NAV2: variants seen among roughly 807,000 people sequenced by gnomAD.
NAV2 encodes the protein neuron navigator 2.
NAV2 carries 54 observed loss-of-function variants against 223.2 expected under a neutral mutation model. The observed-to-expected ratio is 0.24, with a 90% confidence interval of 0.19 to 0.30. NAV2 has a LOEUF of 0.30. Ranked by LOEUF, NAV2 falls within the 10% of genes least tolerant of loss-of-function variation. The probability of loss-of-function intolerance (pLI) is 1.00; values close to 1 mark genes in which losing one functional copy is unlikely to be tolerated. For synonymous variants in NAV2, 1,279 were observed against 1,239.3 expected, an observed-to-expected ratio of 1.03 and a Z score of -0.67; for missense variants, 2,806 against 3,147.5, an observed-to-expected ratio of 0.89 and a Z score of 2.60.
intron 3 of NAV2, among the ~76,000 whole-genome samples, chr11:19,862,401 T>C (rs374151540): frequency 1.3e-5 from 2 of 152,184 alleles, no homozygotes; most frequent in East Asian, 1.9e-4. Flanking sequence ...AGCTTTCCTG[T>C]TTCAAAGCCA....
chr11:19,888,321 C>G (rs151163610), intron 5 of NAV2, among the ~76,000 whole-genome samples: 1 of 152,248 alleles, frequency 6.6e-6, no homozygotes, highest in South Asian at 2.1e-4. Context: ...CCTCTCACCA[C>G]GCTGCCTCAG....
intron 4 of NAV2, among the ~76,000 whole-genome samples, chr11:19,872,295 C>T (rs537255740): frequency 6.6e-6 from 1 of 152,262 alleles, no homozygotes; most frequent in African/African-American, 2.4e-5. Context: ...GTACCCCCAG[C>T]AACCTTATGG....
chr11:19,373,782 G>A lies in NAV2; in HGVS notation c.75+22755G>A, dbSNP rs138549627. Among the ~76,000 whole-genome samples the A allele has an allele frequency of 5.4e-3, 824 of 152,258 alleles. 8 individuals are homozygous for A. The highest frequency in any genetic ancestry group is 0.019 in the African/African-American group (779 of 41,550). ...GATTGTCGCTATAGCCCTGAACCTA[G>A]AATGTGGCTGCATGTGGCCTGGGGC... On this transcript the variant is annotated intron_variant, in intron 1 of 37. Transcript: ENST00000360655.
intron 1 of NAV2, among the ~76,000 whole-genome samples, chr11:19,566,031 G>GATTTT (rs56221634): frequency 0.052 from 7,142 of 138,480 alleles, 346 homozygotes; most frequent in African/African-American, 0.11. Context: ...TATCCAAGGA[G>GATTTT]ATTTTATTTT....
At chr11:19,923,274 C>T (rs892301695) in intron 6 of NAV2, among the ~76,000 whole-genome samples, 2 of 152,104 alleles carry the variant, frequency 1.3e-5, no homozygotes, top group East Asian at 3.8e-4. Flanking sequence ...TAAACTATCC[C>T]ATAAAATCAG....
intron 1 of NAV2, among the ~76,000 whole-genome samples, chr11:19,521,779 C>T (rs115898545): frequency 0.017 from 2,630 of 152,280 alleles, 69 homozygotes; most frequent in African/African-American, 0.06. Flanking sequence ...GAATAAGTAA[C>T]GTGCCAACGG....
chr11:20,028,854 A>G (rs144457331), intron 11 of NAV2, among the ~76,000 whole-genome samples: 8 of 152,316 alleles, frequency 5.3e-5, no homozygotes, highest in Non-Finnish European at 8.8e-5. Flanking sequence ...CAGACACTCT[A>G]TTGTGAGTTG....
At chr11:19,488,175 G>C (rs574338157) in intron 1 of NAV2, among the ~76,000 whole-genome samples, 1 of 152,280 alleles carries the variant, frequency 6.6e-6, no homozygotes, top group Non-Finnish European at 1.5e-5. Flanking sequence ...GGGTTGGGTT[G>C]GTGAATCAGA....
At chr11:20,108,466 AGAGTCTTGTTCT>A (rs1380860164) in intron 36 of NAV2, among the ~76,000 whole-genome samples, 1 of 152,060 alleles carries the variant, frequency 6.6e-6, no homozygotes, top group African/African-American at 2.4e-5. Flanking sequence ...TTTTTTAGAC[AGAGTCTTGTTCT>A]GTCACCCAGA....
intron 1 of NAV2, among the ~76,000 whole-genome samples, chr11:19,734,422 G>A (rs1409245294): frequency 1.3e-5 from 2 of 152,174 alleles, no homozygotes; most frequent in Non-Finnish European, 2.9e-5. Context: ...GTTTTGAGAA[G>A]GCCTGTGCCA....
chr11:19,771,144 C>T (rs1192409424), intron 1 of NAV2, among the ~76,000 whole-genome samples: 1 of 152,160 alleles, frequency 6.6e-6, no homozygotes, highest in Non-Finnish European at 1.5e-5. Context: ...AAGCCCAGTA[C>T]TATTCTGAGT....
At position 20,103,463 on chromosome 11, in the gene NAV2, A is replaced by C. The variant is rs1315594280; in HGVS notation, c.6572+54A>C. On this transcript the variant is annotated intron_variant, in intron 33 of 37. Transcript: ENST00000349880. ...CCCCGGGAGAGAGTGCTGCCAGCTG[A>C]TGGGGCACTGTGCACACAGGTGGCC... The C allele has an allele frequency of 3.2e-6, 5 of 1,584,888 alleles. No individual in the cohort carries two copies. In the Admixed American group the frequency reaches 8.5e-5, roughly 27 times the overall value.
intron 1 of NAV2, among the ~76,000 whole-genome samples, chr11:19,657,928 G>C (rs890849358): frequency 6.6e-6 from 1 of 152,126 alleles, no homozygotes; most frequent in African/African-American, 2.4e-5. Context: ...GAGAACACTA[G>C]GGGACATGAC....
chr11:20,027,579 C>A (rs761451692), intron 11 of NAV2: 81 of 504,040 alleles, frequency 1.6e-4, no homozygotes, highest in Non-Finnish European at 2.0e-4. Flanking sequence ...ACAGTAAGGG[C>A]CTCCTGGAAG....
intron 1 of NAV2, among the ~76,000 whole-genome samples, chr11:19,594,684 G>T (rs1268171816): frequency 6.6e-6 from 1 of 152,162 alleles, no homozygotes; most frequent in Non-Finnish European, 1.5e-5. Flanking sequence ...ATTAAATAGA[G>T]AGGAGAGGTG....
chr11:19,762,009 A>G (rs1036246781), intron 1 of NAV2, among the ~76,000 whole-genome samples: 1 of 152,056 alleles, frequency 6.6e-6, no homozygotes, highest in African/African-American at 2.4e-5. Flanking sequence ...TTGGGAGGCC[A>G]AGGGGGGCGG....
intron 1 of NAV2, among the ~76,000 whole-genome samples, chr11:19,794,916 T>G (rs1347273929): frequency 6.6e-6 from 1 of 152,204 alleles, no homozygotes; most frequent in Non-Finnish European, 1.5e-5. Context: ...TCTCGAAAAC[T>G]GCATTTAAAG....
At chr11:20,022,571 A>T in intron 11 of NAV2, 1 of 985,740 alleles carries the variant, frequency 1.0e-6, no homozygotes, top group South Asian at 4.7e-5. Flanking sequence ...TTTCAATCGA[A>T]TGCTTTGCCT....
At chr11:19,459,789 G>A (rs141694370) in intron 1 of NAV2, among the ~76,000 whole-genome samples, 6 of 152,322 alleles carry the variant, frequency 3.9e-5, no homozygotes, top group Admixed American at 6.5e-5. Flanking sequence ...TGAGGAGCCA[G>A]GGTAAGGAAT....
Sources: gnomAD v4.1 joint callset for allele counts (sites outside exome capture counted in the v4.1 genomes callset) on GRCh38, gnomAD v4.1.1 for gene constraint, MANE v1.5 for transcripts, NCBI Gene and HGNC (gene_info 2026-07-23, HGNC 2026-07-21) for gene names.